The following STRBP variants were observed in gnomAD, a reference collection of about 807,000 sequenced individuals.
STRBP encodes spermatid perinuclear RNA-binding protein.
In STRBP, 13 loss-of-function variants were observed where a neutral mutation model predicts 80.1. That is an observed-to-expected ratio of 0.16 (90% CI 0.11 to 0.26). STRBP has a LOEUF of 0.26. Among genes scored for constraint, STRBP ranks in the 10% least tolerant of loss-of-function variants. STRBP has a pLI of 1.00. For synonymous variants in STRBP, 284 were observed against 291.2 expected, an observed-to-expected ratio of 0.98 and a Z score of 0.25; for missense variants, 485 against 815.2, an observed-to-expected ratio of 0.59 and a Z score of 4.93.
At position 123,179,067 on chromosome 9, in the gene STRBP, C is replaced by T; in HGVS notation, c.164G>A (p.Gly55Asp). Residue 55 changes from glycine (G) to aspartate (D), a missense_variant, in exon 4 of 19, where the codon GGC becomes GAC. By Grantham distance (94) the Gly-to-Asp change is moderately conservative (BLOSUM62 -1). Transcript: ENST00000348403. ...VSDWLDETNK[G>D]TKTEGETEVK... ...TTCTGTCTCACCCTCTGTTTTTGTG[C>T]CTTTATTTGTTTCATCCAACCAATC... 1 of 1,614,090 alleles carries T rather than the reference C, an allele frequency of 6.2e-7. No individual in the cohort carries two copies. The highest frequency in any genetic ancestry group is 8.5e-7 in the Non-Finnish European group (1 of 1,180,004).
rs540494590 is a variant in STRBP, at chr9:123,242,464, GC to G, written c.-301-5499del. 3.5e-4 allele frequency among the ~76,000 whole-genome samples: 54 copies of G among 152,280 alleles called. No individual in the cohort carries two copies. In the East Asian group the frequency reaches 8.3e-3, roughly 23 times the overall value. On this transcript the variant is annotated intron_variant, in intron 1 of 18. Coordinates refer to ENST00000348403, the MANE Select transcript of STRBP (RefSeq NM_018387.5). ...ACTTGAGGCCAGGAGTTTGAGACCAGCCTGGCCAACATGGCAAAACCCCGTC... is the reference window on the plus strand; with the variant it reads ...ACTTGAGGCCAGGAGTTTGAGACCAGCTGGCCAACATGGCAAAACCCCGTC...
intron 1 of STRBP, among the ~76,000 whole-genome samples, chr9:123,256,152 T>C (rs2041025215): frequency 6.7e-6 from 1 of 148,802 alleles, no homozygotes. Flanking sequence ...GGCTCCCAAG[T>C]AACTGAGACT....
intron 1 of STRBP, among the ~76,000 whole-genome samples, chr9:123,246,588 G>A (rs2040804347): frequency 6.6e-6 from 1 of 152,260 alleles, no homozygotes; most frequent in African/African-American, 2.4e-5. Context: ...GGAAAATTAA[G>A]TAAAACAACA....
intron 2 of STRBP, among the ~76,000 whole-genome samples, chr9:123,207,060 T>C (rs542775583): frequency 3.9e-5 from 6 of 152,278 alleles, no homozygotes; most frequent in Admixed American, 1.3e-4. Flanking sequence ...TTATGTCTAA[T>C]TGCATAAAAC....
At chr9:123,267,265 CCTT>C (rs1185160098) in intron 1 of STRBP, among the ~76,000 whole-genome samples, 1 of 151,732 alleles carries the variant, frequency 6.6e-6, no homozygotes, top group Non-Finnish European at 1.5e-5. Context: ...GCTGATCCCA[CCTT>C]CTTCCATACT....
intron 11 of STRBP, among the ~76,000 whole-genome samples, chr9:123,149,619 T>C (rs996267013): frequency 6.6e-6 from 1 of 152,192 alleles, no homozygotes; most frequent in African/African-American, 2.4e-5. Flanking sequence ...GGTCTTGCTT[T>C]ACAAAAAGCA....
intron 1 of STRBP, among the ~76,000 whole-genome samples, chr9:123,237,868 G>C (rs2040602787): frequency 6.6e-6 from 1 of 152,150 alleles, no homozygotes; most frequent in South Asian, 2.1e-4. Context: ...TTCTCAATAG[G>C]ACAGTTTCCC....
intron 3 of STRBP, 50 bp from the exon 4 acceptor site, chr9:123,179,277 T>C: frequency 6.7e-7 from 1 of 1,482,744 alleles, no homozygotes; most frequent in East Asian, 2.3e-5. Flanking sequence ...AAACATCACC[T>C]GAAAAAGATG....
At chr9:123,258,146 G>A (rs1194423647) in intron 1 of STRBP, among the ~76,000 whole-genome samples, 1 of 152,070 alleles carries the variant, frequency 6.6e-6, no homozygotes, top group Non-Finnish European at 1.5e-5. Context: ...AAATACTCGG[G>A]TTCCTACTAA....
At chr9:123,179,973 C>T (rs2038383781) in intron 3 of STRBP, among the ~76,000 whole-genome samples, 1 of 152,010 alleles carries the variant, frequency 6.6e-6, no homozygotes, top group African/African-American at 2.4e-5. Context: ...GATTTCAGGG[C>T]TGGGCATGGT....
At chr9:123,217,064 T>C (rs1035142880) in intron 2 of STRBP, among the ~76,000 whole-genome samples, 6 of 152,210 alleles carry the variant, frequency 3.9e-5, no homozygotes, top group African/African-American at 9.7e-5. Flanking sequence ...TGAGTTCCGA[T>C]GTCAGGAAGA....
chr9:123,139,049 C>A (rs2036479185), intron 14 of STRBP, among the ~76,000 whole-genome samples: 1 of 152,204 alleles, frequency 6.6e-6, no homozygotes, highest in East Asian at 1.9e-4. Flanking sequence ...GTCTGAGATA[C>A]ATACTGTGTC....
intron 2 of STRBP, among the ~76,000 whole-genome samples, chr9:123,191,283 T>C (rs868744418): frequency 1.2e-4 from 19 of 152,074 alleles, no homozygotes; most frequent in Non-Finnish European, 2.9e-5. Flanking sequence ...TTAACAGCCA[T>C]GCAGATGTCT....
At chr9:123,158,551 G>A (rs768042929) in intron 9 of STRBP, 122 bp from the exon 10 acceptor site, 145 of 798,510 alleles carry the variant, frequency 1.8e-4, no homozygotes, top group Non-Finnish European at 2.5e-4. Flanking sequence ...GAGGAACTAA[G>A]TTAAAAGTCT....
chr9:123,153,597 T>C (rs954534402), intron 11 of STRBP, among the ~76,000 whole-genome samples: 3 of 151,342 alleles, frequency 2.0e-5, no homozygotes, highest in Non-Finnish European at 2.9e-5. Flanking sequence ...AAACGGAGAG[T>C]TTCCAATGAC....
intron 4 of STRBP, among the ~76,000 whole-genome samples, chr9:123,175,954 T>C (rs1588046357): frequency 6.6e-6 from 1 of 152,336 alleles, no homozygotes; most frequent in Middle Eastern, 3.4e-3. Flanking sequence ...ATGACATCGC[T>C]TCCTGGTTCA....
intron 12 of STRBP, 28 bp downstream of exon 12, chr9:123,147,750 C>T: frequency 6.5e-7 from 1 of 1,536,272 alleles, no homozygotes. Context: ...CTCTAGTTTG[C>T]ATCTATAAGA....
chr9:123,259,486 C>T (rs1448769520), intron 1 of STRBP, among the ~76,000 whole-genome samples: 2 of 152,144 alleles, frequency 1.3e-5, no homozygotes, highest in Non-Finnish European at 2.9e-5. Flanking sequence ...GCGGGTGGAT[C>T]ACCTGAGGTC....
chr9:123,266,426 A>T (rs1004111179), intron 1 of STRBP, among the ~76,000 whole-genome samples: 1 of 151,936 alleles, frequency 6.6e-6, no homozygotes, highest in Non-Finnish European at 1.5e-5. Flanking sequence ...TCATTCCAGG[A>T]TCCAGGTCCC....
Sources: allele counts gnomAD v4.1 joint callset (sites outside exome capture counted in the v4.1 genomes callset), GRCh38; gene constraint gnomAD v4.1.1; transcripts MANE v1.5; gene names NCBI Gene and HGNC (gene_info 2026-07-23, HGNC 2026-07-21).